The following LOC728743 variants were observed in gnomAD, a reference collection of about 807,000 sequenced individuals.
chr7:150,406,029 T>G, the LOC728743 span: 1 of 152,298 alleles, frequency 6.6e-6, no homozygotes, highest in Non-Finnish European at 1.5e-5. Context: ...AGGGCCGGGC[T>G]GAGATTGGCC....
At chr7:150,402,718 G>C in the LOC728743 span, among the ~76,000 whole-genome samples, 1 of 152,216 alleles carries the variant, frequency 6.6e-6, no homozygotes, top group Non-Finnish European at 1.5e-5. Context: ...TTGTCAAGGG[G>C]GAGGTGGTTG....
At chr7:150,401,296 G>C in the LOC728743 span, among the ~76,000 whole-genome samples, 2 of 152,206 alleles carry the variant, frequency 1.3e-5, no homozygotes, top group African/African-American at 2.4e-5. Context: ...CTCATTGAGA[G>C]GGTTTGGTGT....
At chr7:150,408,844 TGA>T in the LOC728743 span, among the ~76,000 whole-genome samples, 1 of 152,192 alleles carries the variant, frequency 6.6e-6, no homozygotes, top group African/African-American at 2.4e-5. Context: ...AGCTACTGGA[TGA>T]GAGAGGGTGA....
chr7:150,407,986 G>C, the LOC728743 span: 5 of 399,954 alleles, frequency 1.3e-5, no homozygotes, highest in African/African-American at 8.2e-5. Flanking sequence ...AGCCGCACCA[G>C]TGCGCGCAGT....
chr7:150,407,981 C>T, the LOC728743 span: 3 of 402,136 alleles, frequency 7.5e-6, no homozygotes, highest in African/African-American at 2.1e-5. Flanking sequence ...CGAGAAGCCG[C>T]ACCAGTGCGC....
At chr7:150,407,218 C>T in the LOC728743 span, among the ~76,000 whole-genome samples, 1 of 152,304 alleles carries the variant, frequency 6.6e-6, no homozygotes, top group East Asian at 1.9e-4. Context: ...GAAGGCAGCT[C>T]TGTCCTTAGG....
chr7:150,409,856 G>C, the LOC728743 span, among the ~76,000 whole-genome samples: 1 of 152,154 alleles, frequency 6.6e-6, no homozygotes, highest in Admixed American at 6.5e-5. Flanking sequence ...GCTCCTCGGA[G>C]ACTGTCCTCT....
the LOC728743 span, chr7:150,407,525 G>C: frequency 7.5e-6 from 3 of 398,228 alleles, no homozygotes; most frequent in Non-Finnish European, 1.3e-5. Context: ...GCTAACCCTC[G>C]TGTTCCCCGA....
the LOC728743 span, among the ~76,000 whole-genome samples, chr7:150,404,022 A>G: frequency 6.6e-6 from 1 of 151,968 alleles, no homozygotes; most frequent in Admixed American, 6.5e-5. Flanking sequence ...TGCAGAGAGG[A>G]CCCTCATGGT....
the LOC728743 span, chr7:150,405,468 G>C: frequency 6.7e-6 from 1 of 149,586 alleles, no homozygotes; most frequent in African/African-American, 2.4e-5. Flanking sequence ...GGAGCGCCGG[G>C]ACTTAATTAC....
chr7:150,401,157 GC>G, the LOC728743 span, among the ~76,000 whole-genome samples: 80 of 152,362 alleles, frequency 5.3e-4, no homozygotes, highest in Non-Finnish European at 1.2e-3. Flanking sequence ...TTCTGGAACT[GC>G]CTGCATCATC....
the LOC728743 span, chr7:150,407,480 G>A: frequency 2.5e-6 from 1 of 397,490 alleles, no homozygotes; most frequent in East Asian, 3.6e-5. Context: ...GGTGGAGGTT[G>A]TGGGAGGTGA....
the LOC728743 span, among the ~76,000 whole-genome samples, chr7:150,401,609 T>C: frequency 6.6e-6 from 1 of 152,222 alleles, no homozygotes; most frequent in African/African-American, 2.4e-5. Flanking sequence ...GGGAAATGAA[T>C]GGACTCCCTT....
chr7:150,411,471 C>G, the LOC728743 span: 1 of 152,732 alleles, frequency 6.5e-6, no homozygotes, highest in African/African-American at 2.4e-5. Context: ...ATCTTCACAC[C>G]TGAACCAGTC....
At chr7:150,404,903 GCCGCCGGGCTCCGGCGCTCAGC>G in the LOC728743 span, 2 of 152,302 alleles carry the variant, frequency 1.3e-5, no homozygotes, top group African/African-American at 4.8e-5. Flanking sequence ...GGGCCGCTCC[GCCGCCGGGCTCCGGCGCTCAGC>G]CCATGTCACC....
chr7:150,408,394 C>G, the LOC728743 span: 4 of 361,228 alleles, frequency 1.1e-5, no homozygotes, highest in Non-Finnish European at 2.0e-5. Flanking sequence ...GCCGCCCGCT[C>G]GCGTTCCTCC....
the LOC728743 span, among the ~76,000 whole-genome samples, chr7:150,406,491 T>C: frequency 2.0e-5 from 3 of 152,082 alleles, no homozygotes; most frequent in East Asian, 1.9e-4. Flanking sequence ...AGCTAGTACA[T>C]TGAAAAGAGC....
the LOC728743 span, chr7:150,405,856 A>G: frequency 2.0e-5 from 3 of 151,944 alleles, no homozygotes; most frequent in Non-Finnish European, 4.4e-5. Context: ...CAGACTGTAG[A>G]GCAAAGAGCT....
chr7:150,403,511 G>A, the LOC728743 span, among the ~76,000 whole-genome samples: 47 of 152,248 alleles, frequency 3.1e-4, no homozygotes, highest in Non-Finnish European at 5.9e-4. This position sits in a 1 kb window ranked among gnomAD's most constrained non-coding sequence, Gnocchi z 5.1. Flanking sequence ...ATGGTCTGCA[G>A]AGGAGATGAA....
Sources: allele counts gnomAD v4.1 joint callset (sites outside exome capture counted in the v4.1 genomes callset), GRCh38; gene constraint gnomAD v4.1.1; non-coding constraint Gnocchi (gnomAD v3.1); transcripts MANE v1.5.